Variants in GRID2 observed in about 807,000 individuals in gnomAD.
GRID2 encodes the protein glutamate ionotropic receptor delta type subunit 2, also known as glutamate receptor ionotropic, delta-2.
GRID2 carries 33 observed loss-of-function variants against 114.8 expected under a neutral mutation model. The observed-to-expected ratio is 0.29, with a 90% CI of 0.22 to 0.38. The LOEUF is 0.38. Among genes scored for constraint, GRID2 ranks in the 10% least tolerant of loss-of-function variants. GRID2 has a pLI of 1.00. For synonymous variants in GRID2, 505 were observed against 449.9 expected (o/e 1.12, Z -1.55); for missense variants, 1,184 against 1,257.7 (o/e 0.94, Z 0.89).
chr4:92,595,875 C>G (rs1279192036), intron 2 of GRID2, among the ~76,000 whole-genome samples: 1 of 152,052 alleles, frequency 6.6e-6, no homozygotes, highest in East Asian at 1.9e-4. Flanking sequence ...TCTAAATAGT[C>G]TAGTCCAAAG....
chr4:93,163,388 A>ACACAC (rs1320845062), intron 4 of GRID2, among the ~76,000 whole-genome samples: 2 of 46,158 alleles, frequency 4.3e-5, no homozygotes, highest in South Asian at 7.5e-4. Flanking sequence ...ATATATATAT[A>ACACAC]TATATATATA....
chr4:92,648,048 T>C (rs1164315084), intron 2 of GRID2, among the ~76,000 whole-genome samples: 2 of 149,844 alleles, frequency 1.3e-5, no homozygotes, highest in Non-Finnish European at 3.0e-5. Context: ...GTTTCACTCA[T>C]TGGGGACATT....
chr4:93,469,567 T>C (rs1724610387), intron 11 of GRID2, among the ~76,000 whole-genome samples: 1 of 152,038 alleles, frequency 6.6e-6, no homozygotes, highest in Non-Finnish European at 1.5e-5. Context: ...AAAAAATGAA[T>C]AACCTTCTAT....
At chr4:92,651,163 C>A in intron 2 of GRID2, among the ~76,000 whole-genome samples, 1 of 152,036 alleles carries the variant, frequency 6.6e-6, no homozygotes, top group Non-Finnish European at 1.5e-5. Context: ...AAAGGAAAAC[C>A]TGTATCCAGA....
chr4:93,272,585 C>G (rs1561071076), intron 8 of GRID2, among the ~76,000 whole-genome samples: 1 of 152,152 alleles, frequency 6.6e-6, no homozygotes, highest in Non-Finnish European at 1.5e-5. Flanking sequence ...CAACTATGAA[C>G]TATTCACCGT....
intron 4 of GRID2, among the ~76,000 whole-genome samples, chr4:93,204,545 A>C (rs1742471982): frequency 6.6e-6 from 1 of 152,192 alleles, no homozygotes; most frequent in Admixed American, 6.5e-5. Flanking sequence ...GACCCTAAGC[A>C]ACAGAGGATA....
At chr4:92,542,683 A>G (rs1263938921) in intron 1 of GRID2, among the ~76,000 whole-genome samples, 3 of 152,076 alleles carry the variant, frequency 2.0e-5, no homozygotes, top group Non-Finnish European at 4.4e-5. Context: ...TACAGGGTAC[A>G]CTGCCCAGGT....
chr4:92,494,629 C>T (rs1030325983), intron 1 of GRID2, among the ~76,000 whole-genome samples: 2 of 152,050 alleles, frequency 1.3e-5, no homozygotes, highest in African/African-American at 4.8e-5. Flanking sequence ...TCTAATTCTG[C>T]TGATATAATT....
chr4:93,572,517 T>C (rs1457622243), intron 13 of GRID2, among the ~76,000 whole-genome samples: 1 of 152,146 alleles, frequency 6.6e-6, no homozygotes, highest in Non-Finnish European at 1.5e-5. Flanking sequence ...TTTTAAATGT[T>C]ACATCTTTCC....
intron 2 of GRID2, among the ~76,000 whole-genome samples, chr4:92,709,796 G>C (rs1196794660): frequency 6.6e-6 from 1 of 151,646 alleles, no homozygotes; most frequent in Non-Finnish European, 1.5e-5. Flanking sequence ...ACGTTACAAA[G>C]GTCAAATATA....
At chr4:92,399,514 T>C (rs1442034221) in intron 1 of GRID2, among the ~76,000 whole-genome samples, 3 of 152,190 alleles carry the variant, frequency 2.0e-5, no homozygotes, top group Non-Finnish European at 4.4e-5. Context: ...TGTATTCTTA[T>C]TCGCTGACAA....
chr4:93,594,594 T>G (rs1738833399), intron 13 of GRID2, among the ~76,000 whole-genome samples: 1 of 152,184 alleles, frequency 6.6e-6, no homozygotes, highest in Non-Finnish European at 1.5e-5. Context: ...AGTTCGAGCT[T>G]CCAGGCTGCT....
At chr4:92,436,153 A>C (rs1214261197) in intron 1 of GRID2, among the ~76,000 whole-genome samples, 1 of 152,178 alleles carries the variant, frequency 6.6e-6, no homozygotes, top group Non-Finnish European at 1.5e-5. Flanking sequence ...TATTCTATTA[A>C]ATTCTCAGTT....
intron 2 of GRID2, among the ~76,000 whole-genome samples, chr4:92,884,470 C>G (rs1037241649): frequency 6.6e-6 from 1 of 152,186 alleles, no homozygotes; most frequent in Non-Finnish European, 1.5e-5. Context: ...GCTAACTATT[C>G]GGTGCAAGAG....
At chr4:93,058,251 A>C (rs1172804326) in intron 2 of GRID2, among the ~76,000 whole-genome samples, 2 of 152,014 alleles carry the variant, frequency 1.3e-5, no homozygotes, top group Non-Finnish European at 2.9e-5. Context: ...TAATTTAAAG[A>C]ATCTTCAAGA....
In GRID2 at chr4:93,085,335, A is replaced by G. The variant is rs998526274; in HGVS notation, c.529+56A>G. 1.1e-5 allele frequency: 14 copies of G among 1,325,832 alleles called. No individual in the cohort carries two copies. In the African/African-American group the frequency reaches 1.7e-4, roughly 16 times the overall value. The allele number at this position is 1,325,832 out of a possible 1,614,324, so 82.1% of individuals were successfully genotyped here. A position where few individuals can be genotyped will look rare whatever the true frequency, so the allele number is the denominator to read the frequency against. The stretch of plus-strand genomic sequence containing the variant: ...AAGCTGATATTTGCATGAGAAGCAA[A>G]TTCATTAAATCTTAAAAGTTTCAAG... On this transcript the variant is annotated intron_variant, in intron 3 of 15. Coordinates refer to ENST00000282020, the MANE Select transcript of GRID2 (RefSeq NM_001510.4).
chr4:92,930,576 G>A lies in GRID2; in HGVS notation c.245-154419G>A, dbSNP rs547230679. Among the ~76,000 whole-genome samples, 201 of 142,484 alleles carry A rather than the reference G, an allele frequency of 1.4e-3. 1 individual carries two copies. The highest frequency in any genetic ancestry group is 5.1e-3 in the African/African-American group (194 of 38,258). 93.5% of individuals were successfully genotyped at this position (142,484 alleles called of 152,430 possible). ...GATTCTTTATCTTGTTACACTTTCG[G>A]CATTTTTTTTTTTTTTTTTTTTTGC... is the stretch of plus-strand genomic sequence containing the variant. On this transcript the variant is annotated intron_variant, in intron 2 of 15. Transcript: ENST00000282020.
At chr4:93,337,481 G>T (rs1759204326) in intron 8 of GRID2, among the ~76,000 whole-genome samples, 1 of 152,134 alleles carries the variant, frequency 6.6e-6, no homozygotes, top group South Asian at 2.1e-4. Flanking sequence ...AGGAACCCCA[G>T]CCTTAGACAA....
At chr4:92,734,088 G>A (rs952368980) in intron 2 of GRID2, among the ~76,000 whole-genome samples, 2 of 152,002 alleles carry the variant, frequency 1.3e-5, no homozygotes, top group African/African-American at 4.8e-5. Context: ...AAAGGAACAT[G>A]AAATAAACAG....
Sources: allele counts gnomAD v4.1 joint callset (sites outside exome capture counted in the v4.1 genomes callset), GRCh38; gene constraint gnomAD v4.1.1; transcripts MANE v1.5; gene names NCBI Gene and HGNC (gene_info 2026-07-23, HGNC 2026-07-21).